RAD21: variants seen among roughly 807,000 people sequenced by gnomAD.
The protein encoded by RAD21 is RAD21 cohesin complex component.
RAD21 carries 18 observed loss-of-function variants against 71.5 expected under a neutral mutation model. That is an observed-to-expected ratio of 0.25 (90% CI 0.17 to 0.37). The LOEUF (loss-of-function observed/expected upper bound fraction) is 0.37, where lower values mean the gene tolerates loss of function less well. RAD21 is among the 10% of genes least tolerant of loss of function. The pLI is 1.00. For synonymous variants in RAD21, 248 were observed against 254.0 expected (o/e 0.98, Z 0.22); for missense variants, 493 against 769.1 (o/e 0.64, Z 4.25).
chr8:116,856,955 T>G (rs1325443719), intron 6 of RAD21, among the ~76,000 whole-genome samples, 184 bp from the exon 7 acceptor site: 1 of 151,724 alleles, frequency 6.6e-6, no homozygotes, highest in Non-Finnish European at 1.5e-5. Context: ...AAAAAAATTC[T>G]CATTCTTCAT....
chr8:116,847,922 A>G (rs376275052), intron 13 of RAD21, among the ~76,000 whole-genome samples: 44 of 152,218 alleles, frequency 2.9e-4, no homozygotes, highest in African/African-American at 1.0e-3. Context: ...CTTGCTCGTT[A>G]GTTAACACAA....
At chr8:116,854,539 G>GT in intron 8 of RAD21, 71 bp from the exon 9 acceptor site, 1 of 1,147,282 alleles carries the variant, frequency 8.7e-7, no homozygotes, top group Non-Finnish European at 1.3e-6. Context: ...ACAAGATCTG[G>GT]ACTGACTATA....
chr8:116,872,467 T>A (rs1012974122), intron 1 of RAD21, among the ~76,000 whole-genome samples: 4 of 152,098 alleles, frequency 2.6e-5, no homozygotes, highest in African/African-American at 9.7e-5. Context: ...GTGATACTGG[T>A]TACCTCTGGA....
At chr8:116,859,309 G>C (rs16888948) in intron 4 of RAD21, among the ~76,000 whole-genome samples, 11 of 152,202 alleles carry the variant, frequency 7.2e-5, no homozygotes, top group Admixed American at 3.3e-4. Flanking sequence ...TCATGCCTCT[G>C]TGTCACATTT....
chr8:116,857,186 A>C, intron 6 of RAD21, 81 bp downstream of exon 6: 1 of 1,236,898 alleles, frequency 8.1e-7, no homozygotes, highest in Non-Finnish European at 1.2e-6. Flanking sequence ...TTCAAGACTC[A>C]GAATTAGCAA....
chr8:116,874,654 G>C lies in RAD21; in HGVS notation c.-76C>G. ...TTGGGCGGGCTGGGTGGCCCGGGGA[G>C]GGGAAAAGGGTCGGGGGAGGGGGTG... On this transcript the variant is annotated 5_prime_UTR_variant, in exon 1 of 14. Transcript: ENST00000297338. The C allele has an allele frequency of 2.7e-6, 1 of 369,112 alleles. No individual in the cohort carries two copies. The allele number at this position is 369,112 out of a possible 1,614,324, so 22.9% of individuals were successfully genotyped here.
intron 13 of RAD21, 103 bp from the exon 14 acceptor site, chr8:116,847,794 C>T: frequency 9.0e-7 from 1 of 1,113,418 alleles, no homozygotes; most frequent in East Asian, 2.6e-5. Flanking sequence ...AAATCTCATG[C>T]TGAAACGTAA....
In RAD21 at chr8:116,848,978, T is replaced by C. The variant is rs778869222; in HGVS notation, c.1672A>G (p.Lys558Glu). 1 of 1,607,804 alleles carries C rather than the reference T, an allele frequency of 6.2e-7. No individual in the cohort carries two copies. The highest frequency in any genetic ancestry group is 8.5e-7 in the Non-Finnish European group (1 of 1,176,922). Reference protein sequence around the residue: ...DQDQEERRWNKRTQQMLHGLQ... With the variant: ...DQDQEERRWNERTQQMLHGLQ... ...CCATGAAGCATCTGCTGAGTCCTTT[T>C]GTTCCATCTTCTTTCTTCCTGATCT... Residue 558 changes from lysine (K) to glutamate (E), a missense_variant, in exon 13 of 14, where the codon AAA becomes GAA. Coordinates refer to ENST00000297338, the MANE Select transcript of RAD21 (RefSeq NM_006265.3).
intron 6 of RAD21, among the ~76,000 whole-genome samples, 194 bp from the exon 7 acceptor site, chr8:116,856,965 T>G (rs1478498809): frequency 6.7e-6 from 1 of 149,212 alleles, no homozygotes; most frequent in Non-Finnish European, 1.5e-5. Context: ...TCATTCTTCA[T>G]TTGTATTTTC....
chr8:116,861,608 T>G (rs1812595732), intron 4 of RAD21, among the ~76,000 whole-genome samples: 1 of 151,966 alleles, frequency 6.6e-6, no homozygotes, highest in Non-Finnish European at 1.5e-5. Context: ...TGGCCTAAGC[T>G]TGTCAAAACT....
intron 12 of RAD21, among the ~76,000 whole-genome samples, chr8:116,850,042 AAAG>A (rs375482368): frequency 4.3e-4 from 66 of 152,310 alleles, no homozygotes; most frequent in East Asian, 3.7e-3. Context: ...TTAGGAAGAA[AAAG>A]AAGAAAAAAG....
Position 116,847,013 on chromosome 8 carries a change from C to T in RAD21, c.*487G>A, listed in dbSNP as rs1366207815. 1 of 219,512 alleles carries T rather than the reference C, an allele frequency of 4.6e-6. No individual in the cohort carries two copies. The highest frequency in any genetic ancestry group is 2.2e-5 in the African/African-American group (1 of 44,538). 13.6% of individuals were successfully genotyped at this position (219,512 alleles called of 1,614,324 possible). A position where few individuals can be genotyped will look rare whatever the true frequency, so the allele number is the denominator to read the frequency against. On this transcript the variant is annotated 3_prime_UTR_variant, in exon 14 of 14. Coordinates refer to ENST00000297338, the MANE Select transcript of RAD21 (RefSeq NM_006265.3). ...GACCATTGTTGTTTCAGATACCATC[C>T]CTAAGGAGAGTGGTTAACAGGAAGA... is the stretch of plus-strand genomic sequence containing the variant.
At chr8:116,862,295 GAA>G (rs58960417) in intron 3 of RAD21, among the ~76,000 whole-genome samples, 3,586 of 152,056 alleles carry the variant, frequency 0.024, 142 homozygotes, top group African/African-American at 0.081. Flanking sequence ...TTTGGAGAAA[GAA>G]TTACACAATT....
intron 2 of RAD21, among the ~76,000 whole-genome samples, chr8:116,864,053 T>A (rs1812643873): frequency 6.6e-6 from 1 of 152,076 alleles, no homozygotes; most frequent in South Asian, 2.1e-4. Context: ...TATCCATAGC[T>A]TTTTTTCACC....
intron 8 of RAD21, 35 bp from the exon 9 acceptor site, chr8:116,854,503 G>C (rs1465145242): frequency 5.3e-6 from 8 of 1,521,114 alleles, no homozygotes; most frequent in African/African-American, 1.4e-5. Context: ...TCATTTTCCT[G>C]AGAGGCCAGC....
Position 116,847,189 on chromosome 8 carries a change from CTT to C in RAD21, c.*309_*310del. On this transcript the variant is annotated 3_prime_UTR_variant, in exon 14 of 14. Transcript: ENST00000297338. Reference sequence around the variant, plus strand: ...TGAAGAACTAAGATAAAAATCATGACTTTTGACTGCCACTCAACATTATTACA... The same window carrying C: ...TGAAGAACTAAGATAAAAATCATGACTTGACTGCCACTCAACATTATTACA... 1 of 280,246 alleles carries C rather than the reference CTT, an allele frequency of 3.6e-6. No individual in the cohort carries two copies. Among genetic ancestry groups the C allele is most frequent in the East Asian group, 5.2e-5 (1 of 19,062 alleles). The allele number at this position is 280,246 out of a possible 1,614,324, so 17.4% of individuals were successfully genotyped here. A position where few individuals can be genotyped will look rare whatever the true frequency, so the allele number is the denominator to read the frequency against.
chr8:116,871,572 C>G (rs964988994), intron 1 of RAD21, among the ~76,000 whole-genome samples: 1 of 152,170 alleles, frequency 6.6e-6, no homozygotes, highest in African/African-American at 2.4e-5. Flanking sequence ...TGGTACTGTC[C>G]TCTCTGAAGG....
chr8:116,868,606 G>C (rs1812746250), intron 1 of RAD21, among the ~76,000 whole-genome samples: 1 of 151,806 alleles, frequency 6.6e-6, no homozygotes, highest in African/African-American at 2.4e-5. Context: ...TATATTTATA[G>C]GCAAGATTAT....
intron 4 of RAD21, among the ~76,000 whole-genome samples, chr8:116,860,468 G>A (rs531452448): frequency 3.3e-4 from 50 of 152,212 alleles, no homozygotes; most frequent in South Asian, 2.1e-4. Flanking sequence ...AGAAATTGCC[G>A]CAGTTACCTC....
Sources: allele counts gnomAD v4.1 joint callset (sites outside exome capture counted in the v4.1 genomes callset), GRCh38; gene constraint gnomAD v4.1.1; transcripts MANE v1.5; gene names NCBI Gene and HGNC (gene_info 2026-07-23, HGNC 2026-07-21).